Variants in SH2D3A observed in about 807,000 individuals in gnomAD.
SH2D3A encodes the protein SH2 domain-containing protein 3A.
In SH2D3A, 46 loss-of-function variants were observed where a neutral mutation model predicts 50.6. That is an observed-to-expected ratio of 0.91 (90% CI 0.72 to 1.16). The LOEUF is 1.16. SH2D3A is among the 50% of genes most tolerant of loss of function. The pLI, the probability that SH2D3A is intolerant of heterozygous loss-of-function variation, is 0.00. For synonymous variants in SH2D3A, 377 were observed against 348.4 expected (o/e 1.08, Z -0.91); for missense variants, 783 against 786.2 (o/e 1.00, Z 0.05).
At position 6,754,302 on chromosome 19, in the gene SH2D3A, C is replaced by T. The variant is rs755286999; in HGVS notation, c.1221G>A (p.Ala407=). 5.4e-5 allele frequency: 85 copies of T among 1,574,730 alleles called. No homozygotes were observed. The highest frequency in any genetic ancestry group is 4.8e-5 in the Non-Finnish European group (56 of 1,167,040). Residue 407 remains alanine, a synonymous_variant, in exon 7 of 10, where the codon GCG becomes GCA. Transcript: ENST00000245908. The part of the protein sequence containing the change: ...ELALALRPGA[A]GDLPGLAAVM... ...CTGCAGCCAGCCCGGGCAGGTCCCC[C>T]GCCGCCCCTGGCCGCAGCGCCAGCG... is the stretch of plus-strand genomic sequence containing the variant.
At chr19:6,752,794 G>A in intron 9 of SH2D3A, 41 bp from the exon 10 acceptor site, 7 of 1,468,828 alleles carry the variant, frequency 4.8e-6, no homozygotes, top group Admixed American at 2.5e-5. Context: ...GGGCCCAGGC[G>A]CCCGCCTCGC....
In SH2D3A at chr19:6,753,508, G is replaced by GTGAC. The variant is rs1969450555; in HGVS notation, c.1514_1517dup (p.His506GlnfsTer24). ...GGAATTTGGGTGCGTCCCGGACCAT[G>GTGAC]TGACGCGCCCCGTGCAGGGTGCGCA... On this transcript the variant is annotated frameshift_variant, in exon 9 of 10. Transcript: ENST00000245908. LOFTEE classifies it high-confidence loss of function. 6.4e-7 allele frequency: 1 copy of GTGAC among 1,556,002 alleles called. No homozygotes were observed. Among genetic ancestry groups the GTGAC allele is most frequent in the Non-Finnish European group, 8.7e-7 (1 of 1,150,440 alleles).
chr19:6,754,158 G>A lies in SH2D3A; in HGVS notation c.1278C>T (p.Ser426=). ...VMGALLMPQV[S]RLEHTWRQLR... ...GCTGGCGCCACGTGTGCTCCAACCG[G>A]GACACCTGGGAGAAGAGATCTGAGC... is the stretch of plus-strand genomic sequence containing the variant. The change falls in exon 8 of 10, where the codon TCC becomes TCT. Residue 426 remains serine, a synonymous_variant. Coordinates refer to ENST00000245908, the MANE Select transcript of SH2D3A (RefSeq NM_005490.3). The A allele has an allele frequency of 6.2e-7, 1 of 1,612,802 alleles. No homozygotes were observed. Among genetic ancestry groups the A allele is most frequent in the Non-Finnish European group, 8.5e-7 (1 of 1,179,548 alleles).
rs1347136993 is a variant in SH2D3A, at chr19:6,754,296, G to A, written c.1227C>T (p.Asp409=). Residue 409 remains aspartate (D), a synonymous_variant, in exon 7 of 10, where the codon GAC becomes GAT. Transcript: ENST00000245908. ...CCATGACTGCAGCCAGCCCGGGCAG[G>A]TCCCCCGCCGCCCCTGGCCGCAGCG... ...ALALRPGAAG[D]LPGLAAVMGA... The A allele has an allele frequency of 6.3e-7, 1 of 1,577,020 alleles. No individual in the cohort carries two copies. The highest frequency in any genetic ancestry group is 8.6e-7 in the Non-Finnish European group (1 of 1,168,278).
chr19:6,760,549 C>T (rs369731744), intron 3 of SH2D3A, 89 bp downstream of exon 3: 28 of 1,142,558 alleles, frequency 2.5e-5, no homozygotes, highest in East Asian at 1.3e-4. Flanking sequence ...CAGAGTGAGA[C>T]TCAGTCAAAA....
At chr19:6,760,457 C>T (rs1969945283) in intron 3 of SH2D3A, among the ~76,000 whole-genome samples, 181 bp downstream of exon 3, 1 of 152,012 alleles carries the variant, frequency 6.6e-6, no homozygotes, top group Admixed American at 6.6e-5. Context: ...ACTCTGGAGG[C>T]TGAGGCAGGA....
At chr19:6,761,033 G>C (rs1242328659) in intron 2 of SH2D3A, 46 bp from the exon 3 acceptor site, 1 of 1,464,990 alleles carries the variant, frequency 6.8e-7, no homozygotes, top group Non-Finnish European at 9.3e-7. Flanking sequence ...ATGAGTCCAG[G>C]GCAGTGGTTA....
At position 6,754,884 on chromosome 19, in the gene SH2D3A, G is replaced by A. The variant is rs1371780979; in HGVS notation, c.928C>T (p.Leu310=). 6.2e-7 allele frequency: 1 copy of A among 1,600,900 alleles called. No individual in the cohort carries two copies. The highest frequency in any genetic ancestry group is 1.1e-5 in the South Asian group (1 of 88,978). ...QVLHTLRGLF[L]EHHPGSTALH... is the part of the protein sequence containing the mutation. ...GCGGTGCTCCCAGGATGGTGCTCCA[G>A]GAACAGGCCACGGAGGGTATGCAGG... The change falls in exon 5 of 10, where the codon CTG becomes TTG. Residue 310 remains leucine, a synonymous_variant. Coordinates refer to ENST00000245908, the MANE Select transcript of SH2D3A (RefSeq NM_005490.3).
intron 1 of SH2D3A, among the ~76,000 whole-genome samples, chr19:6,764,912 C>G (rs1970227785): frequency 7.6e-6 from 1 of 132,264 alleles, no homozygotes; most frequent in Middle Eastern, 5.1e-3. Context: ...AAGTCTCACT[C>G]TGTTGCCCAG....
At position 6,760,660 on chromosome 19, in the gene SH2D3A, G is replaced by A; in HGVS notation, c.397C>T (p.Pro133Ser). The A allele has an allele frequency of 6.3e-7, 1 of 1,595,442 alleles. No individual in the cohort carries two copies. The highest frequency in any genetic ancestry group is 8.6e-7 in the Non-Finnish European group (1 of 1,168,020). ...SFSEDTLMDG[P>S]ARIEPLRARK... ...TACCTGAGAGGCTCTATCCGAGCTG[G>A]GCCATCCATCAGGGTGTCCTCGCTA... Residue 133 changes from proline (P) to serine (S), a missense_variant, in exon 3 of 10, where the codon CCA becomes TCA. Physicochemically the swap from Pro to Ser is moderately conservative, Grantham distance 74. Coordinates refer to ENST00000245908, the MANE Select transcript of SH2D3A (RefSeq NM_005490.3).
chr19:6,765,716 C>A (rs1970269964), intron 1 of SH2D3A, among the ~76,000 whole-genome samples: 2 of 147,558 alleles, frequency 1.4e-5, no homozygotes, highest in South Asian at 4.3e-4. Flanking sequence ...CCACTGCACT[C>A]CAGCCTGGGT....
At chr19:6,759,717 G>T in intron 3 of SH2D3A, 47 bp from the exon 4 acceptor site, 1 of 1,573,712 alleles carries the variant, frequency 6.4e-7, no homozygotes, top group Non-Finnish European at 8.7e-7. Flanking sequence ...CCTAAGCAGT[G>T]TCCCCCACCA....
chr19:6,759,536 T>G, intron 4 of SH2D3A, 58 bp downstream of exon 4: 1 of 1,513,154 alleles, frequency 6.6e-7, no homozygotes, highest in Non-Finnish European at 9.2e-7. Context: ...CAAGATCTCT[T>G]AGGTGGTGAG....
At chr19:6,761,220 C>A in intron 2 of SH2D3A, 1 of 543,456 alleles carries the variant, frequency 1.8e-6, no homozygotes, top group South Asian at 2.3e-5. Flanking sequence ...GTGATGAGAA[C>A]TGGCCAATGG....
chr19:6,754,905 G>A lies in SH2D3A; in HGVS notation c.907C>T (p.His303Tyr), dbSNP rs1253193651. 2 of 1,609,376 alleles carry A rather than the reference G, an allele frequency of 1.2e-6. No individual in the cohort carries two copies. Among genetic ancestry groups the A allele is most frequent in the Admixed American group, 1.7e-5 (1 of 59,860 alleles). ...TCCAGGAACAGGCCACGGAGGGTAT[G>A]CAGGACTTGGGGTTCCAGGGGCCGA... is the stretch of plus-strand genomic sequence containing the variant. Reference protein sequence around the residue: ...QNRPLEPQVLHTLRGLFLEHH... With the variant: ...QNRPLEPQVLYTLRGLFLEHH... The change falls in exon 5 of 10, where the codon CAT becomes TAT. Residue 303 changes from histidine (H) to tyrosine (Y), a missense_variant. By Grantham distance (83) the His-to-Tyr change is moderately conservative. Coordinates refer to ENST00000245908, the MANE Select transcript of SH2D3A (RefSeq NM_005490.3).
At chr19:6,753,101 C>T (rs993384120) in intron 9 of SH2D3A, 2 of 985,298 alleles carry the variant, frequency 2.0e-6, no homozygotes, top group African/African-American at 3.5e-5. Flanking sequence ...GCCGGGTGGG[C>T]TGCCCTAGGA....
chr19:6,753,512 C>T lies in SH2D3A; in HGVS notation c.1514G>A (p.Arg505His). 1.9e-6 allele frequency: 3 copies of T among 1,557,064 alleles called. No individual in the cohort carries two copies. The highest frequency in any genetic ancestry group is 2.6e-6 in the Non-Finnish European group (3 of 1,150,936). ...TTTGGGTGCGTCCCGGACCATGTGA[C>T]GCGCCCCGTGCAGGGTGCGCAACAG... ...ERLLRTLHGA[R>H]HMVRDAPKFR... Residue 505 changes from arginine (R) to histidine (H), a missense_variant, in exon 9 of 10, where the codon CGT (arginine) becomes CAT (histidine). Transcript: ENST00000245908.
At chr19:6,759,978 A>C (rs577508015) in intron 3 of SH2D3A, among the ~76,000 whole-genome samples, 1 of 152,178 alleles carries the variant, frequency 6.6e-6, no homozygotes, top group East Asian at 1.9e-4. Flanking sequence ...GGTGGCTCAC[A>C]CCTGTAATCC....
intron 6 of SH2D3A, 66 bp from the exon 7 acceptor site, chr19:6,754,491 A>G (rs1969528528): frequency 1.3e-5 from 20 of 1,542,732 alleles, no homozygotes; most frequent in Non-Finnish European, 1.7e-5. Context: ...GTGAGGGGGG[A>G]CAGGAGGTGG....
Sources: allele counts gnomAD v4.1 joint callset (sites outside exome capture counted in the v4.1 genomes callset), GRCh38; gene constraint gnomAD v4.1.1; transcripts MANE v1.5; gene names NCBI Gene and HGNC (gene_info 2026-07-23, HGNC 2026-07-21).